Variants in ZZEF1 observed in about 807,000 individuals in gnomAD.
The protein encoded by ZZEF1 is zinc finger ZZ-type and EF-hand domain-containing protein 1.
A neutral mutation model predicts 342.8 loss-of-function variants in ZZEF1; 157 were observed. The observed-to-expected ratio is 0.46, with a 90% CI of 0.40 to 0.52. The LOEUF (loss-of-function observed/expected upper bound fraction) is 0.52, where lower values mean the gene tolerates loss of function less well. Ranked by LOEUF, ZZEF1 falls within the 20% of genes least tolerant of loss-of-function variation. The pLI is 0.00. For synonymous variants in ZZEF1, 1,505 were observed against 1,429.1 expected (o/e 1.05, Z -1.20); for missense variants, 3,480 against 3,725.6 (o/e 0.93, Z 1.72).
intron 27 of ZZEF1, 72 bp from the exon 28 acceptor site, chr17:4,066,612 T>A (rs1384614647): frequency 7.6e-7 from 1 of 1,310,208 alleles, no homozygotes; most frequent in Non-Finnish European, 1.1e-6. Context: ...GCAAACTACT[T>A]CAAAAGCACA....
At chr17:4,052,178 C>T (rs551877112) in intron 34 of ZZEF1, 42 bp from the exon 35 acceptor site, 2 of 1,545,418 alleles carry the variant, frequency 1.3e-6, no homozygotes, top group South Asian at 1.2e-5. Context: ...AGGTAGAGGG[C>T]TCCTAGATGG....
At chr17:4,039,040 TA>T (rs140895961) in intron 39 of ZZEF1, among the ~76,000 whole-genome samples, 18 of 147,914 alleles carry the variant, frequency 1.2e-4, no homozygotes, top group Non-Finnish European at 1.0e-4. Flanking sequence ...AAGTGCCTGC[TA>T]AAAAAAAAAG....
At chr17:4,124,994 G>A (rs1385581647) in intron 1 of ZZEF1, among the ~76,000 whole-genome samples, 4 of 152,130 alleles carry the variant, frequency 2.6e-5, no homozygotes, top group Non-Finnish European at 5.9e-5. Flanking sequence ...AAGATGCAGC[G>A]AATATTGTCA....
chr17:4,094,288 C>T (rs940825263), intron 11 of ZZEF1, among the ~76,000 whole-genome samples: 1 of 151,978 alleles, frequency 6.6e-6, no homozygotes, highest in African/African-American at 2.4e-5. Context: ...ACTACAGGCG[C>T]GTGATACCAT....
chr17:4,126,518 T>C (rs572372426), intron 1 of ZZEF1, among the ~76,000 whole-genome samples: 2 of 152,310 alleles, frequency 1.3e-5, no homozygotes, highest in Admixed American at 6.5e-5. Flanking sequence ...ACCTGGTTGG[T>C]TGATCCAAGA....
chr17:4,114,321 T>A lies in ZZEF1; in HGVS notation c.844A>T (p.Ser282Cys), dbSNP rs2058359962. 1 of 1,606,600 alleles carries A rather than the reference T, an allele frequency of 6.2e-7. No individual in the cohort carries two copies. The highest frequency in any genetic ancestry group is 8.5e-7 in the Non-Finnish European group (1 of 1,177,108). Residue 282 changes from serine (S) to cysteine (C), a missense_variant, in exon 4 of 55, where the codon AGT becomes TGT. By Grantham distance (112) the Ser-to-Cys change is moderately radical. This residue lies in a region of ZZEF1 where 92 missense variants were observed against 130.3 expected (regional missense o/e 0.71). Transcript: ENST00000381638. ...CACCGAATCCAGTGTGAACAGGCAC[T>A]GCCATCTGACTGCCAGTAGGATGAG... ...ETSSYWQSDG[S>C]ACSHWIRLKM...
Position 4,044,209 on chromosome 17 carries a change from T to A in ZZEF1, c.6166+15A>T. 6.2e-7 allele frequency: 1 copy of A among 1,612,592 alleles called. No individual in the cohort carries two copies. The highest frequency in any genetic ancestry group is 8.5e-7 in the Non-Finnish European group (1 of 1,179,396). ...AAGATGAAAGAGATGAAGATAATGG[T>A]CAAATAGTCTTTACCTGGAAGTCCT... On this transcript the variant is annotated intron_variant, in intron 38 of 54. Transcript: ENST00000381638.
At chr17:4,087,028 C>T (rs1465516922) in intron 14 of ZZEF1, among the ~76,000 whole-genome samples, 1 of 152,064 alleles carries the variant, frequency 6.6e-6, no homozygotes, top group Admixed American at 6.5e-5. Flanking sequence ...ATTACAGGTG[C>T]CCACCACCAC....
intron 52 of ZZEF1, among the ~76,000 whole-genome samples, chr17:4,013,065 C>A (rs982201996): frequency 1.4e-5 from 2 of 143,350 alleles, no homozygotes; most frequent in African/African-American, 5.2e-5. Context: ...CTCCAGCCTG[C>A]GTGACAGAGT....
intron 7 of ZZEF1, 87 bp from the exon 8 acceptor site, chr17:4,104,898 G>GT: frequency 1.7e-6 from 2 of 1,167,554 alleles, no homozygotes; most frequent in South Asian, 1.5e-5. Flanking sequence ...ATCAACACAA[G>GT]TAACATTAAC....
chr17:4,032,085 T>C, intron 42 of ZZEF1, 41 bp downstream of exon 42: 5 of 1,596,968 alleles, frequency 3.1e-6, no homozygotes, highest in Non-Finnish European at 3.4e-6. Flanking sequence ...GGATTAGGCA[T>C]TTTTCTTCCA....
At chr17:4,086,913 C>T (rs1441373508) in intron 14 of ZZEF1, among the ~76,000 whole-genome samples, 1 of 152,126 alleles carries the variant, frequency 6.6e-6, no homozygotes, top group Non-Finnish European at 1.5e-5. Flanking sequence ...GACCGAGTCT[C>T]ACTCTGTCTC....
chr17:4,088,624 A>G lies in ZZEF1; in HGVS notation c.2241+54T>C, dbSNP rs1367856623. The G allele has an allele frequency of 3.2e-6, 5 of 1,578,272 alleles. No individual in the cohort carries two copies. The East Asian group carries it at 1.1e-4, about 36-fold the overall frequency. ...TCAGTTGGTGTTCATTTCTCTGAATACTGTCATTCACTTTTCCTAAAGGAA... is the reference window on the plus strand; with the variant it reads ...TCAGTTGGTGTTCATTTCTCTGAATGCTGTCATTCACTTTTCCTAAAGGAA... On this transcript the variant is annotated intron_variant, in intron 13 of 54. Transcript: ENST00000381638.
Position 4,034,033 on chromosome 17 carries a change from C to T in ZZEF1, c.6566G>A (p.Gly2189Glu), listed in dbSNP as rs2056606778. The change falls in exon 40 of 55, where the codon GGA (glycine) becomes GAA (glutamate). Residue 2189 changes from glycine to glutamate, a missense_variant. Around this residue, in one of 5 missense-constraint regions of ZZEF1, gnomAD observed 1,269 missense variants for 1,342.4 expected, o/e 0.95. Transcript: ENST00000381638. ...AGGCTACCTGTCCAGACACACAGCT[C>T]CCAGGCTAAAGAGCAGGTGGGTGGT... is the stretch of plus-strand genomic sequence containing the variant. Reference protein sequence around the residue: ...WKTTHLLFSLGAVCLDSRVGL... With the variant: ...WKTTHLLFSLEAVCLDSRVGL... 3 of 1,613,962 alleles carry T rather than the reference C, an allele frequency of 1.9e-6. No individual in the cohort carries two copies. The highest frequency in any genetic ancestry group is 1.3e-5 in the African/African-American group (1 of 74,914).
At chr17:4,029,421 C>T (rs1222676585) in intron 42 of ZZEF1, among the ~76,000 whole-genome samples, 1 of 150,644 alleles carries the variant, frequency 6.6e-6, no homozygotes, top group Non-Finnish European at 1.5e-5. Flanking sequence ...TATATTGTGA[C>T]CTAAATGAAA....
intron 25 of ZZEF1, 70 bp from the exon 26 acceptor site, chr17:4,070,994 A>G (rs1262447091): frequency 6.4e-7 from 1 of 1,551,742 alleles, no homozygotes; most frequent in Non-Finnish European, 8.7e-7. Context: ...TGAGCAAACT[A>G]TTAGGCCAAA....
intron 35 of ZZEF1, among the ~76,000 whole-genome samples, chr17:4,051,641 G>A (rs2057047689): frequency 6.6e-6 from 1 of 150,868 alleles, no homozygotes. Flanking sequence ...GGCTGATCTC[G>A]AACTCCTGAC....
At chr17:4,112,024 T>G (rs2058310974) in intron 5 of ZZEF1, among the ~76,000 whole-genome samples, 2 of 92,600 alleles carry the variant, frequency 2.2e-5, no homozygotes, top group Non-Finnish European at 2.2e-5. Flanking sequence ...CAAAAAGAGA[T>G]CCTGTCTAAA....
chr17:4,029,699 C>A (rs1363474141), intron 42 of ZZEF1, among the ~76,000 whole-genome samples: 2 of 151,682 alleles, frequency 1.3e-5, no homozygotes, highest in African/African-American at 4.8e-5. Context: ...ACATGGTAAA[C>A]CCTGTCTCTA....
Sources: gnomAD v4.1 joint callset for allele counts (sites outside exome capture counted in the v4.1 genomes callset) on GRCh38, gnomAD v4.1.1 for gene constraint, gnomAD v4.1.1 regional missense constraint, MANE v1.5 for transcripts, NCBI Gene and HGNC (gene_info 2026-07-23, HGNC 2026-07-21) for gene names.